ZFAT: variants seen among roughly 807,000 people sequenced by gnomAD.
ZFAT encodes the protein zinc finger and AT-hook domain containing, also known as zinc finger protein ZFAT.
ZFAT carries 64 observed loss-of-function variants against 117.7 expected under a neutral mutation model. The ratio of observed to expected loss-of-function variants is 0.54; its 90% CI spans 0.44 to 0.67. ZFAT has a LOEUF of 0.67. ZFAT is among the 30% of genes least tolerant of loss of function. The probability of loss-of-function intolerance (pLI) is 0.00; values close to 1 mark genes in which losing one functional copy is unlikely to be tolerated. For missense variants in ZFAT, 1,433 were observed against 1,584.5 expected (o/e 0.90, Z 1.62); for synonymous variants, 679 against 615.0 (o/e 1.10, Z -1.54).
At chr8:134,727,783 C>T in the ZFAT span, among the ~76,000 whole-genome samples, 1 of 152,100 alleles carries the variant, frequency 6.6e-6, no homozygotes, top group Non-Finnish European at 1.5e-5. Context: ...CCCATGAAAG[C>T]AGCCAAAGGG....
intron 3 of ZFAT, among the ~76,000 whole-genome samples, chr8:134,630,762 A>G (rs773275622): frequency 6.6e-6 from 1 of 152,258 alleles, no homozygotes; most frequent in Non-Finnish European, 1.5e-5. Flanking sequence ...TGCAGAATAA[A>G]ATAAATAAAT....
At chr8:134,646,080 G>C (rs1446523110) in intron 2 of ZFAT, among the ~76,000 whole-genome samples, 1 of 151,972 alleles carries the variant, frequency 6.6e-6, no homozygotes, top group Non-Finnish European at 1.5e-5. Flanking sequence ...GTGGTGGCGG[G>C]CGCCTGTAGT....
chr8:134,730,706 T>C, the ZFAT span, among the ~76,000 whole-genome samples: 1 of 152,264 alleles, frequency 6.6e-6, no homozygotes, highest in East Asian at 1.9e-4. Context: ...TGACTAAAGA[T>C]CCTTTCATTG....
intron 10 of ZFAT, among the ~76,000 whole-genome samples, chr8:134,577,876 C>G (rs889599331): frequency 3.9e-5 from 6 of 152,078 alleles, no homozygotes; most frequent in Non-Finnish European, 8.8e-5. Context: ...ATATAATGCA[C>G]TAGAGAAAGA....
At chr8:134,653,419 GTTTTTT>G (rs61711569) in intron 2 of ZFAT, among the ~76,000 whole-genome samples, 8 of 51,336 alleles carry the variant, frequency 1.6e-4, no homozygotes, top group African/African-American at 3.4e-4. Flanking sequence ...CGTTTTATCT[GTTTTTT>G]TTTTTTTTTT....
At chr8:134,622,900 C>A (rs1014826077) in intron 3 of ZFAT, among the ~76,000 whole-genome samples, 6 of 152,060 alleles carry the variant, frequency 3.9e-5, no homozygotes, top group Non-Finnish European at 5.9e-5. Flanking sequence ...GTGTGTTTAC[C>A]CTGCTTTTCC....
At chr8:134,590,119 C>G (rs963934675) in intron 8 of ZFAT, 149 bp downstream of exon 8, 4 of 597,082 alleles carry the variant, frequency 6.7e-6, no homozygotes, top group South Asian at 5.3e-5. Flanking sequence ...AACTTCCCAG[C>G]GTCGAATAAA....
At chr8:134,490,877 GGT>G (rs1818001454) in intron 15 of ZFAT, among the ~76,000 whole-genome samples, 1 of 152,110 alleles carries the variant, frequency 6.6e-6, no homozygotes, top group African/African-American at 2.4e-5. Context: ...AACCCAAGCC[GGT>G]GTCTTGGCCT....
chr8:134,609,057 G>A (rs147868913), intron 4 of ZFAT, among the ~76,000 whole-genome samples, 178 bp from the exon 5 acceptor site: 1 of 152,212 alleles, frequency 6.6e-6, no homozygotes, highest in Non-Finnish European at 1.5e-5. Flanking sequence ...GTGAGTGTGT[G>A]CATGTGTTTG....
intron 1 of ZFAT, among the ~76,000 whole-genome samples, chr8:134,700,103 C>T (rs571551371): frequency 6.6e-6 from 1 of 152,370 alleles, no homozygotes; most frequent in South Asian, 2.1e-4. Context: ...CTCAAAAACA[C>T]TTCCTGAGCA....
At chr8:134,675,487 C>T (rs1177790592) in intron 1 of ZFAT, among the ~76,000 whole-genome samples, 1 of 152,144 alleles carries the variant, frequency 6.6e-6, no homozygotes, top group African/African-American at 2.4e-5. Context: ...GATTGGTATA[C>T]CTGAAAGTGA....
At chr8:134,695,097 A>G (rs1791090472) in intron 1 of ZFAT, among the ~76,000 whole-genome samples, 1 of 152,178 alleles carries the variant, frequency 6.6e-6, no homozygotes, top group Admixed American at 6.5e-5. Flanking sequence ...GGGAGAACCC[A>G]GAAGAAGGCA....
chr8:134,791,952 C>A, the ZFAT span: 2 of 151,988 alleles, frequency 1.3e-5, no homozygotes, highest in African/African-American at 4.8e-5. Context: ...ACACCATAGC[C>A]TAATTCAATC....
the ZFAT span, among the ~76,000 whole-genome samples, chr8:134,755,875 C>A: frequency 6.6e-6 from 1 of 151,534 alleles, no homozygotes; most frequent in Non-Finnish European, 1.5e-5. Context: ...GTTGGATTTC[C>A]TTTCACTTGC....
chr8:134,776,934 T>G, the ZFAT span, among the ~76,000 whole-genome samples: 4 of 152,176 alleles, frequency 2.6e-5, no homozygotes, highest in African/African-American at 7.2e-5. Context: ...TCTCAAGATA[T>G]GAGAAGAAAC....
intron 1 of ZFAT, among the ~76,000 whole-genome samples, chr8:134,665,110 TG>T (rs1186917552): frequency 6.6e-6 from 1 of 152,188 alleles, no homozygotes; most frequent in East Asian, 1.9e-4. Flanking sequence ...TCTGGGACCT[TG>T]GGACAAGCAA....
At chr8:134,777,804 T>C in the ZFAT span, among the ~76,000 whole-genome samples, 4 of 152,310 alleles carry the variant, frequency 2.6e-5, no homozygotes, top group Admixed American at 2.6e-4. Context: ...ATATGACAAT[T>C]AGGCTATAAG....
At chr8:134,778,631 T>C in the ZFAT span, among the ~76,000 whole-genome samples, 5 of 152,170 alleles carry the variant, frequency 3.3e-5, no homozygotes, top group Non-Finnish European at 7.3e-5. Context: ...GTCTGACTAA[T>C]AAATTACCTA....
intron 1 of ZFAT, among the ~76,000 whole-genome samples, chr8:134,701,117 C>T (rs1833997845): frequency 6.6e-6 from 1 of 152,168 alleles, no homozygotes; most frequent in African/African-American, 2.4e-5. Flanking sequence ...GACCATCCAT[C>T]ACCAGAAATT....
Sources: allele counts gnomAD v4.1 joint callset (sites outside exome capture counted in the v4.1 genomes callset), GRCh38; gene constraint gnomAD v4.1.1; transcripts MANE v1.5; gene names NCBI Gene and HGNC (gene_info 2026-07-23, HGNC 2026-07-21).